The following WASHC2A variants were observed in gnomAD, a reference collection of about 807,000 sequenced individuals.
The protein encoded by WASHC2A is WASH complex subunit 2A, also known as WASH complex subunit FAM21A.
WASHC2A carries 82 observed loss-of-function variants against 140.3 expected under a neutral mutation model. The ratio of observed to expected loss-of-function variants is 0.58; its 90% CI spans 0.49 to 0.70. The LOEUF (loss-of-function observed/expected upper bound fraction) is 0.70. WASHC2A is among the 30% of genes least tolerant of loss of function. The probability of loss-of-function intolerance (pLI) is 0.00; values close to 1 mark genes in which losing one functional copy is unlikely to be tolerated. For missense variants in WASHC2A, 985 were observed against 1,521.8 expected, an observed-to-expected ratio of 0.65 and a Z score of 5.87; for synonymous variants, 340 against 560.8, an observed-to-expected ratio of 0.61 and a Z score of 5.56.
At chr10:50,109,359 C>T (rs879241072) in intron 19 of WASHC2A, among the ~76,000 whole-genome samples, 3 of 152,122 alleles carry the variant, frequency 2.0e-5, no homozygotes, top group South Asian at 2.1e-4. Context: ...CACATGTGTG[C>T]TGCATGAGTT....
chr10:50,106,051 G>T (rs1191747299), intron 18 of WASHC2A, among the ~76,000 whole-genome samples: 1 of 151,958 alleles, frequency 6.6e-6, no homozygotes, highest in Non-Finnish European at 1.5e-5. Context: ...GACTGGATGG[G>T]GCTCAGTTTC....
chr10:50,095,138 C>G lies in WASHC2A; in HGVS notation c.1181-10C>G, dbSNP rs531483356. 2.6e-6 allele frequency: 4 copies of G among 1,564,020 alleles called. No homozygotes were observed. The East Asian group carries it at 6.8e-5, about 27-fold the overall frequency. ...TTGTAAAATGGTTACCCCTTGCTTT[C>G]TCATTCTAGAGTCTTCATCATCCAA... On this transcript the variant is annotated splice_polypyrimidine_tract_variant and intron_variant, in intron 13 of 30. Transcript: ENST00000282633.
intron 7 of WASHC2A, 57 bp from the exon 8 acceptor site, chr10:50,087,218 T>A: frequency 6.2e-7 from 1 of 1,612,722 alleles, no homozygotes; most frequent in Non-Finnish European, 8.5e-7. Flanking sequence ...CCTGCAATCA[T>A]TTCTGTGCTT....
chr10:50,084,731 T>TCTTC (rs1839235612), intron 6 of WASHC2A, among the ~76,000 whole-genome samples: 1 of 117,178 alleles, frequency 8.5e-6, no homozygotes, highest in Non-Finnish European at 1.7e-5. Flanking sequence ...GCCCGGCTGT[T>TCTTC]TTTCTTTCTT....
At chr10:50,094,608 T>C (rs1840270629) in intron 13 of WASHC2A, among the ~76,000 whole-genome samples, 1 of 152,254 alleles carries the variant, frequency 6.6e-6, no homozygotes, top group African/African-American at 2.4e-5. Flanking sequence ...GCATCAGAGC[T>C]GGGCCTTGGA....
At chr10:50,104,501 C>T (rs1367284889) in intron 18 of WASHC2A, among the ~76,000 whole-genome samples, 11 of 151,722 alleles carry the variant, frequency 7.3e-5, no homozygotes, top group African/African-American at 2.2e-4. Flanking sequence ...GGACTACAGG[C>T]GTGCACCACC....
In WASHC2A at chr10:50,129,430, G is replaced by A; in HGVS notation, c.3099G>A (p.Lys1033=). The change falls in exon 29 of 31, where the codon AAG becomes AAA. Residue 1033 remains lysine (K), a synonymous_variant. Transcript: ENST00000282633. ...TTTTGCCATTGCAGAGCCGTGTCAAGATGAGAGGGAAGCGTAGACCGCAGA... is the reference window on the plus strand; with the variant it reads ...TTTTGCCATTGCAGAGCCGTGTCAAAATGAGAGGGAAGCGTAGACCGCAGA... The part of the protein sequence containing the change: ...TLHSANKSRV[K]MRGKRRPQTR... The A allele has an allele frequency of 6.2e-7, 1 of 1,611,978 alleles. No individual in the cohort carries two copies.
intron 20 of WASHC2A, among the ~76,000 whole-genome samples, chr10:50,110,584 G>T (rs1164409722): frequency 1.5e-4 from 23 of 151,674 alleles, no homozygotes; most frequent in Non-Finnish European, 2.9e-5. Context: ...TGTCAGGTTT[G>T]GTCAGGATTA....
chr10:50,127,668 C>A lies in WASHC2A; in HGVS notation c.2960C>A (p.Ala987Asp). The change falls in exon 28 of 31, where the codon GCT becomes GAT. Residue 987 changes from alanine to aspartate, a missense_variant. Transcript: ENST00000282633. Reference sequence around the variant, plus strand: ...GTAAAGCCTGTTTTGCCAGAATTGGCTTTTCCTTCATCTGAACACAGAAGG... The same window carrying A: ...GTAAAGCCTGTTTTGCCAGAATTGGATTTTCCTTCATCTGAACACAGAAGG... ...SEVKPVLPEL[A>D]FPSSEHRRSH... is the part of the protein sequence containing the mutation. 6.2e-7 allele frequency: 1 copy of A among 1,600,900 alleles called. No homozygotes were observed. The highest frequency in any genetic ancestry group is 8.5e-7 in the Non-Finnish European group (1 of 1,173,154).
chr10:50,110,940 A>C (rs1244070193), intron 20 of WASHC2A, among the ~76,000 whole-genome samples: 1 of 145,990 alleles, frequency 6.8e-6, no homozygotes, highest in Admixed American at 6.9e-5. Context: ...AAATCTGCTC[A>C]GCATTTAACA....
chr10:50,093,973 C>G (rs1219309459), intron 13 of WASHC2A, 56 bp downstream of exon 13: 53 of 1,592,674 alleles, frequency 3.3e-5, no homozygotes, highest in Non-Finnish European at 4.5e-5. Context: ...AACTGTCTTT[C>G]TCACTAGGAG....
intron 11 of WASHC2A, 147 bp downstream of exon 11, chr10:50,092,380 G>A: frequency 6.5e-7 from 1 of 1,532,428 alleles, no homozygotes; most frequent in South Asian, 1.2e-5. Context: ...CCTCTGGGCT[G>A]GGCGCGGTGG....
At chr10:50,099,268 TC>T in intron 16 of WASHC2A, among the ~76,000 whole-genome samples, 1 of 140,152 alleles carries the variant, frequency 7.1e-6, no homozygotes, top group African/African-American at 2.5e-5. Context: ...TCATTCTTCT[TC>T]TTTTTTTTTT....
intron 16 of WASHC2A, among the ~76,000 whole-genome samples, 183 bp downstream of exon 16, chr10:50,097,985 G>A: frequency 6.6e-6 from 1 of 151,598 alleles, no homozygotes; most frequent in Non-Finnish European, 1.5e-5. Context: ...AGTTCTTAGG[G>A]TTTTGGCAAA....
At chr10:50,090,515 A>AAAAAATATATATATATATATAT (rs1214596899) in intron 8 of WASHC2A, among the ~76,000 whole-genome samples, 203 of 108,620 alleles carry the variant, frequency 1.9e-3, no homozygotes, top group African/African-American at 6.2e-3. Context: ...AAAAAAAAAA[A>AAAAAATATATATATATATATAT]ATATATATAT....
At chr10:50,103,794 A>G (rs1403411744) in intron 17 of WASHC2A, among the ~76,000 whole-genome samples, 1 of 152,202 alleles carries the variant, frequency 6.6e-6, no homozygotes, top group Non-Finnish European at 1.5e-5. Context: ...GTGGGAATAC[A>G]GAAGCCCCTG....
chr10:50,109,040 A>C, intron 19 of WASHC2A, among the ~76,000 whole-genome samples: 1 of 151,604 alleles, frequency 6.6e-6, no homozygotes, highest in East Asian at 1.9e-4. Flanking sequence ...GTCACTGCTA[A>C]ACATTGAGGA....
At chr10:50,127,263 A>G (rs1315573268) in intron 27 of WASHC2A, 41 bp downstream of exon 27, 3 of 1,611,780 alleles carry the variant, frequency 1.9e-6, no homozygotes, top group Non-Finnish European at 2.5e-6. Context: ...GCCCTGTGGC[A>G]TCTATAAACT....
Position 50,129,939 on chromosome 10 carries a change from A to G in WASHC2A, c.3608A>G (p.Glu1203Gly), listed in dbSNP as rs1366646359. 1 of 1,611,908 alleles carries G rather than the reference A, an allele frequency of 6.2e-7. No homozygotes were observed. The highest frequency in any genetic ancestry group is 8.5e-7 in the Non-Finnish European group (1 of 1,179,868). The change falls in exon 29 of 31, where the codon GAA (glutamate) becomes GGA (glycine). Residue 1203 changes from glutamate (E) to glycine (G), a missense_variant. Glu to Gly is a moderately conservative substitution (Grantham distance 98). Transcript: ENST00000282633. ...AKKTNPFPLL[E>G]DEDDLFTDQK... ...AAAACAAATCCCTTTCCTCTCCTGGAAGATGAGGATGACCTCTTTACAGAT... is the reference window on the plus strand; with the variant it reads ...AAAACAAATCCCTTTCCTCTCCTGGGAGATGAGGATGACCTCTTTACAGAT...
Sources: gnomAD v4.1 joint callset for allele counts (sites outside exome capture counted in the v4.1 genomes callset) on GRCh38, gnomAD v4.1.1 for gene constraint, MANE v1.5 for transcripts, NCBI Gene and HGNC (gene_info 2026-07-23, HGNC 2026-07-21) for gene names.